CFAP46: variants seen among roughly 807,000 people sequenced by gnomAD.
CFAP46 encodes cilia and flagella associated protein 46.
Under a neutral mutation model 325.7 loss-of-function variants are expected in CFAP46, and 245 were observed. The observed-to-expected ratio is 0.75, with a 90% CI of 0.68 to 0.84. The LOEUF is 0.84. Among genes scored for constraint, CFAP46 ranks in the 40% least tolerant of loss-of-function variants. The probability of loss-of-function intolerance (pLI) is 0.00; values close to 1 mark genes in which losing one functional copy is unlikely to be tolerated. For missense variants in CFAP46, 3,346 were observed against 3,543.0 expected (o/e 0.94, Z 1.41); for synonymous variants, 1,523 against 1,495.9 (o/e 1.02, Z -0.42).
chr10:132,910,140 T>C (rs1029690421), intron 19 of CFAP46, 72 bp from the exon 20 acceptor site: 1 of 1,290,262 alleles, frequency 7.8e-7, no homozygotes, highest in Admixed American at 3.9e-5. Flanking sequence ...ATCCGAACCA[T>C]TAAAAGATGG....
chr10:132,909,298 G>T lies in CFAP46; in HGVS notation c.2650-54C>A, dbSNP rs529645714. The T allele has an allele frequency of 8.6e-5, 105 of 1,220,900 alleles. 1 individual carries two copies. In the South Asian group the frequency reaches 1.3e-3, roughly 15 times the overall value. 75.6% of individuals were successfully genotyped at this position (1,220,900 alleles called of 1,614,324 possible). A position where few individuals can be genotyped will look rare whatever the true frequency, so the allele number is the denominator to read the frequency against. On this transcript the variant is annotated intron_variant, in intron 20 of 57. Coordinates refer to ENST00000368586, the MANE Select transcript of CFAP46 (RefSeq NM_001200049.3). ...AGCCCAAGCGTGCGGGGGGAGTCTG[G>T]AATATGCGTGAATTTAACACTGCAA...
Position 132,912,632 on chromosome 10 carries a change from TCTCG to T in CFAP46, c.2499+19_2499+22del. On this transcript the variant is annotated intron_variant, in intron 19 of 57. Transcript: ENST00000368586. Reference sequence around the variant, plus strand: ...CTCTCTCTCTCTCTCTCTCTCTCTCTCTCGGCATCATGGAGGTGGTACCTCCACC... The same window carrying T: ...CTCTCTCTCTCTCTCTCTCTCTCTCTGCATCATGGAGGTGGTACCTCCACC... 2 of 1,373,646 alleles carry T rather than the reference TCTCG, an allele frequency of 1.5e-6. No individual in the cohort carries two copies. Among genetic ancestry groups the T allele is most frequent in the East Asian group, 2.8e-5 (1 of 35,750 alleles). The allele number at this position is 1,373,646 out of a possible 1,614,324, so 85.1% of individuals were successfully genotyped here.
chr10:132,922,086 G>C lies in CFAP46; in HGVS notation c.1606+18C>G. On this transcript the variant is annotated intron_variant, in intron 13 of 57. Coordinates refer to ENST00000368586, the MANE Select transcript of CFAP46 (RefSeq NM_001200049.3). The stretch of plus-strand genomic sequence containing the variant: ...AGGTGGACCGTTCTGGGCTGGGAGA[G>C]CCCAGTGCAGAGCTCACCTTTGGCC... The C allele has an allele frequency of 6.5e-7, 1 of 1,548,448 alleles. No individual in the cohort carries two copies. Among genetic ancestry groups the C allele is most frequent in the Non-Finnish European group, 8.7e-7 (1 of 1,145,938 alleles).
chr10:132,892,217 G>T, intron 25 of CFAP46, 116 bp downstream of exon 25: 1 of 889,400 alleles, frequency 1.1e-6, no homozygotes, highest in Non-Finnish European at 1.7e-6. Context: ...TGGAGTTACT[G>T]CCAAGTGGCT....
chr10:132,866,076 G>T lies in CFAP46; in HGVS notation c.4839C>A (p.Asn1613Lys), dbSNP rs1483077844. 1.9e-6 allele frequency: 3 copies of T among 1,547,000 alleles called. No homozygotes were observed. The highest frequency in any genetic ancestry group is 2.6e-6 in the Non-Finnish European group (3 of 1,145,270). ...MLKAEVLLEM[N>K]LYQPARLLLS... ...GGAGCAGCCGTGCAGGCTGGTACAG[G>T]TTCATCTCCAGCAGAACTTCTGCCT... The change falls in exon 35 of 58, where the codon AAC becomes AAA. Residue 1613 changes from asparagine (N) to lysine (K), a missense_variant. Transcript: ENST00000368586.
chr10:132,823,075 GTGTGTGCTGA>G (rs1847919426), intron 50 of CFAP46, among the ~76,000 whole-genome samples: 1 of 142,972 alleles, frequency 7.0e-6, no homozygotes, highest in Non-Finnish European at 1.5e-5. Context: ...GATGTGTGCT[GTGTGTGCTGA>G]TGTGTGCTTT....
At chr10:132,853,328 G>GA (rs1848590430) in intron 39 of CFAP46, among the ~76,000 whole-genome samples, 1 of 152,080 alleles carries the variant, frequency 6.6e-6, no homozygotes, top group African/African-American at 2.4e-5. Flanking sequence ...TGTTAGTTTT[G>GA]AAAAAATATG....
intron 40 of CFAP46, 58 bp downstream of exon 40, chr10:132,851,059 T>A: frequency 6.3e-7 from 1 of 1,596,150 alleles, no homozygotes; most frequent in Non-Finnish European, 8.6e-7. Flanking sequence ...GGGGGTCCCA[T>A]CAGCTGCACT....
At position 132,854,513 on chromosome 10, in the gene CFAP46, A is replaced by AT. The variant is rs1013985650; in HGVS notation, c.5574+3076dup. ...CCACCATGCCTGGTTAATTTTTTGT[A>AT]TTTTTAGTGGAGATGGGGTTTCACC... is the stretch of plus-strand genomic sequence containing the variant. On this transcript the variant is annotated intron_variant, in intron 39 of 57. Transcript: ENST00000368586. 1.2e-4 allele frequency among the ~76,000 whole-genome samples: 18 copies of AT among 151,856 alleles called. 2 individuals are homozygous for AT. The South Asian group carries it at 1.5e-3, about 12-fold the overall frequency.
rs2254419 is a variant in CFAP46, at chr10:132,810,455, T to C, written c.7618A>G (p.Ser2540Gly). Residue 2540 changes from serine (S) to glycine (G), a missense_variant, in exon 57 of 58, where the codon AGT (serine) becomes GGT (glycine). Ser to Gly is a moderately conservative substitution (Grantham distance 56). Coordinates refer to ENST00000368586, the MANE Select transcript of CFAP46 (RefSeq NM_001200049.3). Reference sequence around the variant, plus strand: ...CACTCATCTTCTGAAGGAGACGCACTGTTTCTCCAATTGGCTTCCCAACGG... The same window carrying C: ...CACTCATCTTCTGAAGGAGACGCACCGTTTCTCCAATTGGCTTCCCAACGG... ...VGRWEANWRN[S>G]ASPSEDEWRR... 1,125,736 of 1,613,188 alleles carry C rather than the reference T, an allele frequency of 0.7. 397,900 individuals carry two copies. Among genetic ancestry groups the C allele is most frequent in the African/African-American group, 0.94 (70,697 of 75,028 alleles).
chr10:132,907,315 C>T (rs55837321), intron 22 of CFAP46, among the ~76,000 whole-genome samples: 9,379 of 152,246 alleles, frequency 0.062, 724 homozygotes, highest in African/African-American at 0.17. Context: ...TGGAAAACAG[C>T]CTCATATTCA....
At chr10:132,818,832 C>T (rs1332667364) in intron 50 of CFAP46, among the ~76,000 whole-genome samples, 2 of 142,222 alleles carry the variant, frequency 1.4e-5, no homozygotes, top group African/African-American at 5.3e-5. Context: ...CTAGCCTGGG[C>T]AACAGAGTGA....
At chr10:132,866,833 C>A (rs1393271790) in intron 34 of CFAP46, among the ~76,000 whole-genome samples, 1 of 152,230 alleles carries the variant, frequency 6.6e-6, no homozygotes, top group Non-Finnish European at 1.5e-5. Context: ...GGTCACCTTC[C>A]TTTATGGGCA....
chr10:132,872,825 C>T lies in CFAP46; in HGVS notation c.4363-1G>A. 6.4e-7 allele frequency: 1 copy of T among 1,551,154 alleles called. No individual in the cohort carries two copies. Among genetic ancestry groups the T allele is most frequent in the Non-Finnish European group, 8.7e-7 (1 of 1,147,114 alleles). On this transcript the variant is annotated splice_acceptor_variant, in intron 31 of 57. Transcript: ENST00000368586. LOFTEE classifies it high-confidence loss of function. ...GGTCCAGGAAATACAAACTGTATGT[C>T]TACATGGACACATAACACACACAGG... is the stretch of plus-strand genomic sequence containing the variant.
intron 22 of CFAP46, among the ~76,000 whole-genome samples, chr10:132,902,388 C>T (rs548121330): frequency 6.6e-6 from 1 of 152,058 alleles, no homozygotes; most frequent in African/African-American, 2.4e-5. Flanking sequence ...TTCGAAGTTA[C>T]TGATCATTCT....
rs1849097848 is a variant in CFAP46 at position 132,884,822 on chromosome 10, G to A, written c.3627+281C>T. On this transcript the variant is annotated intron_variant, in intron 27 of 57. Transcript: ENST00000368586. This position sits in a 1 kb window ranked among gnomAD's most constrained non-coding sequence, Gnocchi z 5.4. ...GGGGAGCCTGGGCGCTTCCACTTGG[G>A]GCATCACCCTCTGGGCCCCCCTCAC... Among the ~76,000 whole-genome samples, 1 of 152,088 alleles carries A rather than the reference G, an allele frequency of 6.6e-6. No individual in the cohort carries two copies. Among genetic ancestry groups the A allele is most frequent in the Non-Finnish European group, 1.5e-5 (1 of 67,990 alleles).
intron 8 of CFAP46, 71 bp downstream of exon 8, chr10:132,934,681 A>T: frequency 9.1e-7 from 1 of 1,097,008 alleles, no homozygotes. Flanking sequence ...ATTTTTTCAC[A>T]TTTTTCAGTG....
rs1217648801 is a variant in CFAP46, at chr10:132,847,415, C to T, written c.5953-94G>A. ...CCAGGGAGGCCGGGGTGGTCGGGCT[C>T]CTCAGCAGGGTCCCCGGGTAGGGGG... On this transcript the variant is annotated intron_variant, in intron 41 of 57. Transcript: ENST00000368586. This position sits in a 1 kb window ranked among gnomAD's most constrained non-coding sequence, Gnocchi z 5.2. 2.7e-6 allele frequency: 4 copies of T among 1,502,728 alleles called. No individual in the cohort carries two copies. Among genetic ancestry groups the T allele is most frequent in the African/African-American group, 1.4e-5 (1 of 72,484 alleles). The allele number at this position is 1,502,728 out of a possible 1,614,324, so 93.1% of individuals were successfully genotyped here. A position where few individuals can be genotyped will look rare whatever the true frequency, so the allele number is the denominator to read the frequency against.
At chr10:132,859,766 C>G (rs951785594) in intron 37 of CFAP46, among the ~76,000 whole-genome samples, 1 of 152,206 alleles carries the variant, frequency 6.6e-6, no homozygotes, top group African/African-American at 2.4e-5. Flanking sequence ...GGCAGAAATC[C>G]GTGTTGCTGG....
Sources: allele counts gnomAD v4.1 joint callset (sites outside exome capture counted in the v4.1 genomes callset), GRCh38; gene constraint gnomAD v4.1.1; non-coding constraint Gnocchi (gnomAD v3.1); transcripts MANE v1.5; gene names NCBI Gene and HGNC (gene_info 2026-07-23, HGNC 2026-07-21).